The following SVIL variants were observed in gnomAD, a reference collection of about 807,000 sequenced individuals.
The protein encoded by SVIL is supervillin, also known as archvillin.
A neutral mutation model predicts 240.4 loss-of-function variants in SVIL; 101 were observed. The ratio of observed to expected loss-of-function variants is 0.42; its 90% CI spans 0.36 to 0.50. The LOEUF (loss-of-function observed/expected upper bound fraction) is 0.50. Among genes scored for constraint, SVIL ranks in the 20% least tolerant of loss-of-function variants. SVIL has a pLI of 0.01. For missense variants in SVIL, 2,512 were observed against 2,818.7 expected (o/e 0.89, Z 2.46); for synonymous variants, 999 against 1,100.0 (o/e 0.91, Z 1.82).
intron 2 of SVIL, among the ~76,000 whole-genome samples, chr10:29,666,695 G>C (rs1451232321): frequency 2.6e-5 from 4 of 152,138 alleles, no homozygotes; most frequent in Admixed American, 2.6e-4. Context: ...AAGAAACTCC[G>C]GCAATAGTGA....
rs541916724 is a variant in SVIL, at chr10:29,547,006, C to T, written c.827+3591G>A. 6.6e-5 allele frequency among the ~76,000 whole-genome samples: 10 copies of T among 152,272 alleles called. No individual in the cohort carries two copies. The South Asian group carries it at 2.1e-3, about 32-fold the overall frequency. On this transcript the variant is annotated intron_variant, in intron 6 of 37. Coordinates refer to ENST00000355867, the MANE Select transcript of SVIL (RefSeq NM_021738.3). ...TTTTAAAGTTTTCGGTTACATGTTT[C>T]CATATCAGATGACATTATTATTTTC...
rs141244182 is a variant in SVIL, at chr10:29,664,670, G to A, written c.-300-6602C>T. Among the ~76,000 whole-genome samples, 636 of 147,244 alleles carry A rather than the reference G, an allele frequency of 4.3e-3. 5 individuals are homozygous for A. Among genetic ancestry groups the A allele is most frequent in the African/African-American group, 0.015 (590 of 38,176 alleles). On this transcript the variant is annotated intron_variant, in intron 2 of 35. Transcript: ENST00000375400. ...TAGAGAAGAGTCAATTTTATATTTCGTAATTTTATATATATATATATACAC... is the reference window on the plus strand; with the variant it reads ...TAGAGAAGAGTCAATTTTATATTTCATAATTTTATATATATATATATACAC...
At position 29,533,140 on chromosome 10, in the gene SVIL, A is replaced by C; in HGVS notation, c.1227T>G (p.Val409=). ...QNVPKPPSLT[V]LEGDGRDSPV... is the part of the protein sequence containing the mutation. ...GGCTATCCCTTCCGTCACCTTCTAG[A>C]ACCGTCAAGCTGGGAGGTTTGGGGA... is the stretch of plus-strand genomic sequence containing the variant. Residue 409 remains valine, a synonymous_variant, in exon 8 of 38, where the codon GTT becomes GTG. Coordinates refer to ENST00000355867, the MANE Select transcript of SVIL (RefSeq NM_021738.3). 1 of 1,614,028 alleles carries C rather than the reference A, an allele frequency of 6.2e-7. No homozygotes were observed. Among genetic ancestry groups the C allele is most frequent in the Non-Finnish European group, 8.5e-7 (1 of 1,180,012 alleles).
intron 1 of SVIL, among the ~76,000 whole-genome samples, chr10:29,604,684 C>T (rs1007757483): frequency 1.3e-5 from 2 of 152,192 alleles, no homozygotes; most frequent in East Asian, 1.9e-4. Context: ...CCCGCCTTGA[C>T]ATCTGAAGTA....
intron 1 of SVIL, among the ~76,000 whole-genome samples, chr10:29,629,086 G>A (rs1306360754): frequency 6.6e-6 from 1 of 152,116 alleles, no homozygotes; most frequent in African/African-American, 2.4e-5. Flanking sequence ...GAGTGAGTGG[G>A]CAGGAAAGAA....
chr10:29,734,420 A>G (rs977703247), intron 1 of SVIL, among the ~76,000 whole-genome samples: 75 of 152,182 alleles, frequency 4.9e-4, no homozygotes, highest in African/African-American at 1.7e-3. Context: ...AATAACCTGG[A>G]AGAATAAACA....
chr10:29,706,644 C>A (rs1962910289), intron 1 of SVIL, among the ~76,000 whole-genome samples: 1 of 152,108 alleles, frequency 6.6e-6, no homozygotes, highest in African/African-American at 2.4e-5. Flanking sequence ...TGTGCAGAAG[C>A]TCTTTAGTTT....
In SVIL at chr10:29,471,228, C is replaced by T; in HGVS notation, c.5545G>A (p.Gly1849Arg). The stretch of plus-strand genomic sequence containing the variant: ...TGCAGGAAACAGGGGGGCTCCTTTC[C>T]CTGGAGAACCTGGACCTTCCGATTT... ...ERGAQVQVLQ[G>R]KEPPCFLQCF... The change falls in exon 31 of 38, where the codon GGA becomes AGA. Residue 1849 changes from glycine (G) to arginine (R), a missense_variant. This residue lies in a region of SVIL where 797 missense variants were observed against 925.3 expected (regional missense o/e 0.86). Transcript: ENST00000355867. 6.2e-7 allele frequency: 1 copy of T among 1,611,976 alleles called. No individual in the cohort carries two copies. Among genetic ancestry groups the T allele is most frequent in the Non-Finnish European group, 8.5e-7 (1 of 1,178,424 alleles).
chr10:29,463,037 T>C (rs1944447697), intron 35 of SVIL, among the ~76,000 whole-genome samples: 1 of 152,180 alleles, frequency 6.6e-6, no homozygotes, highest in Non-Finnish European at 1.5e-5. Flanking sequence ...GATATAATAC[T>C]AAAAATAATA....
At chr10:29,564,951 A>G (rs1288949977) in intron 2 of SVIL, among the ~76,000 whole-genome samples, 2 of 152,228 alleles carry the variant, frequency 1.3e-5, no homozygotes, top group East Asian at 3.9e-4. Flanking sequence ...AAATAATGGC[A>G]GAAATGTACC....
At chr10:29,522,078 T>TAG (rs1232720974) in intron 16 of SVIL, among the ~76,000 whole-genome samples, 1 of 151,812 alleles carries the variant, frequency 6.6e-6, no homozygotes, top group African/African-American at 2.4e-5. Context: ...TCAGCTCCTG[T>TAG]CATTAGATAG....
At chr10:29,531,155 G>T in intron 10 of SVIL, 99 bp downstream of exon 10, 1 of 1,142,878 alleles carries the variant, frequency 8.7e-7, no homozygotes, top group Non-Finnish European at 1.3e-6. Context: ...ACACTGTTAT[G>T]CTCCATCATC....
intron 16 of SVIL, among the ~76,000 whole-genome samples, chr10:29,517,890 G>A (rs372404425): frequency 1.3e-5 from 2 of 152,134 alleles, no homozygotes; most frequent in South Asian, 4.1e-4. Flanking sequence ...AATAGCAAAG[G>A]TTTTATCCCT....
At chr10:29,686,960 T>A (rs1961109442) in intron 1 of SVIL, among the ~76,000 whole-genome samples, 1 of 152,182 alleles carries the variant, frequency 6.6e-6, no homozygotes, top group Non-Finnish European at 1.5e-5. Context: ...CAAGGGAATA[T>A]TTAAAAAAAT....
chr10:29,620,968 A>ATT (rs1189729558), intron 1 of SVIL, among the ~76,000 whole-genome samples: 11 of 140,706 alleles, frequency 7.8e-5, no homozygotes, highest in Admixed American at 2.1e-4. Context: ...TATTCTTAAA[A>ATT]TTTTTTTTTT....
chr10:29,605,897 A>G (rs1157148580), intron 1 of SVIL, among the ~76,000 whole-genome samples: 4 of 151,774 alleles, frequency 2.6e-5, no homozygotes, highest in Non-Finnish European at 4.4e-5. Flanking sequence ...GTTTTCTTCT[A>G]GTACTTATTA....
At chr10:29,478,451 G>C (rs141796147) in intron 29 of SVIL, among the ~76,000 whole-genome samples, 341 of 152,284 alleles carry the variant, frequency 2.2e-3, no homozygotes, top group Admixed American at 4.3e-3. Flanking sequence ...TGTGAGCTGA[G>C]TACTATAATC....
intron 1 of SVIL, among the ~76,000 whole-genome samples, chr10:29,720,245 A>G (rs1202156925): frequency 6.6e-6 from 1 of 152,230 alleles, no homozygotes; most frequent in African/African-American, 2.4e-5. Flanking sequence ...AAAAAAGGAC[A>G]TATCACATAA....
intron 2 of SVIL, among the ~76,000 whole-genome samples, chr10:29,669,164 G>T (rs1374896157): frequency 1.3e-5 from 2 of 152,166 alleles, no homozygotes; most frequent in African/African-American, 4.8e-5. Context: ...TAGATAAAGT[G>T]GTCTGTGTCT....
Sources: gnomAD v4.1 joint callset for allele counts (sites outside exome capture counted in the v4.1 genomes callset) on GRCh38, gnomAD v4.1.1 for gene constraint, gnomAD v4.1.1 regional missense constraint, MANE v1.5 for transcripts, NCBI Gene and HGNC (gene_info 2026-07-23, HGNC 2026-07-21) for gene names.